SLC8A1: variants seen among roughly 807,000 people sequenced by gnomAD.
SLC8A1 encodes solute carrier family 8 member A1.
Under a neutral mutation model 68.3 loss-of-function variants are expected in SLC8A1, and 18 were observed. The observed-to-expected ratio is 0.26, with a 90% confidence interval of 0.18 to 0.39. SLC8A1 has a LOEUF of 0.39. Among genes scored for constraint, SLC8A1 ranks in the 10% least tolerant of loss-of-function variants. SLC8A1 has a pLI of 1.00. For synonymous variants in SLC8A1, 475 were observed against 415.5 expected (o/e 1.14, Z -1.74); for missense variants, 985 against 1,156.7 (o/e 0.85, Z 2.15).
At chr2:40,141,068 A>G (rs964358955) in intron 6 of SLC8A1, among the ~76,000 whole-genome samples, 1 of 152,188 alleles carries the variant, frequency 6.6e-6, no homozygotes, top group Non-Finnish European at 1.5e-5. Context: ...AAAGAAGAAC[A>G]TCTCCTTGAA....
chr2:40,399,501 T>C (rs561677866), intron 2 of SLC8A1, among the ~76,000 whole-genome samples: 1 of 152,278 alleles, frequency 6.6e-6, no homozygotes, highest in African/African-American at 2.4e-5. Context: ...AGGAATTTTA[T>C]GCAGGTCTGG....
chr2:40,396,748 T>TAAAAAAAAAAAAAAAAAAAAAAAAAAAA lies in SLC8A1; in HGVS notation c.1808+31697_1808+31724dup, dbSNP rs368483768. Among the ~76,000 whole-genome samples, 11 of 87,082 alleles carry TAAAAAAAAAAAAAAAAAAAAAAAAAAAA rather than the reference T, an allele frequency of 1.3e-4. 2 individuals carry two copies. Among genetic ancestry groups the TAAAAAAAAAAAAAAAAAAAAAAAAAAAA allele is most frequent in the African/African-American group, 5.0e-4 (8 of 16,110 alleles). 57.1% of individuals were successfully genotyped at this position (87,082 alleles called of 152,430 possible). A position where few individuals can be genotyped will look rare whatever the true frequency, so the allele number is the denominator to read the frequency against. ...TTTAACCTCCATCATCTCTAATAAC[T>TAAAAAAAAAAAAAAAAAAAAAAAAAAAA]AAAAAAAAAAAAAAAAAAAAAAAAA... On this transcript the variant is annotated intron_variant, in intron 2 of 7. Transcript: ENST00000406785.
chr2:40,343,330 T>C (rs2149416222), intron 2 of SLC8A1, among the ~76,000 whole-genome samples: 1 of 152,294 alleles, frequency 6.6e-6, no homozygotes, highest in South Asian at 2.1e-4. Context: ...AACATCACCA[T>C]GAACTTAAAA....
At chr2:40,307,949 G>C (rs1428073947) in intron 2 of SLC8A1, among the ~76,000 whole-genome samples, 1 of 151,756 alleles carries the variant, frequency 6.6e-6, no homozygotes, top group Non-Finnish European at 1.5e-5. Flanking sequence ...ATGAAGAGCA[G>C]GAGAAGAAGA....
At chr2:40,199,648 T>C (rs80351044) in intron 2 of SLC8A1, among the ~76,000 whole-genome samples, 2,382 of 151,902 alleles carry the variant, frequency 0.016, 52 homozygotes, top group African/African-American at 0.053. Context: ...AGTTCTGCTA[T>C]ACTATTTGCC....
intron 2 of SLC8A1, among the ~76,000 whole-genome samples, chr2:40,211,203 T>A (rs2056521654): frequency 6.6e-6 from 1 of 152,256 alleles, no homozygotes; most frequent in African/African-American, 2.4e-5. Context: ...ATTATTTTAC[T>A]GTGCATACTC....
intron 2 of SLC8A1, among the ~76,000 whole-genome samples, chr2:40,195,413 G>A (rs1056191091): frequency 3.3e-5 from 5 of 151,994 alleles, no homozygotes; most frequent in African/African-American, 4.8e-5. Flanking sequence ...TTAAGGTCAC[G>A]GTGGAGTGGG....
chr2:40,419,156 A>G (rs1176246078), intron 2 of SLC8A1, among the ~76,000 whole-genome samples: 1 of 152,224 alleles, frequency 6.6e-6, no homozygotes, highest in East Asian at 1.9e-4. Context: ...GGGGCTTGGC[A>G]TGGGATTGAT....
chr2:40,503,854 C>T (rs1308413731), intron 1 of SLC8A1, among the ~76,000 whole-genome samples: 1 of 151,772 alleles, frequency 6.6e-6, no homozygotes, highest in African/African-American at 2.4e-5. Flanking sequence ...TTGGAAGAAC[C>T]AATATTGTTA....
chr2:40,480,041 G>GA (rs567599878), intron 1 of SLC8A1, among the ~76,000 whole-genome samples: 185 of 151,878 alleles, frequency 1.2e-3, no homozygotes, highest in African/African-American at 3.9e-3. Context: ...CACAGGTCAA[G>GA]AAAAAACTGT....
chr2:40,193,516 C>A (rs2052302362), intron 2 of SLC8A1, among the ~76,000 whole-genome samples: 1 of 151,982 alleles, frequency 6.6e-6, no homozygotes. Flanking sequence ...AAAGGCATGG[C>A]ATGTTTAAGA....
At chr2:40,391,372 A>G (rs2149600366) in intron 2 of SLC8A1, among the ~76,000 whole-genome samples, 1 of 152,128 alleles carries the variant, frequency 6.6e-6, no homozygotes, top group Non-Finnish European at 1.5e-5. Flanking sequence ...GTGTCCTTTT[A>G]AAAGAAAGCA....
chr2:40,486,007 G>T (rs969712), intron 1 of SLC8A1, among the ~76,000 whole-genome samples: 1 of 152,258 alleles, frequency 6.6e-6, no homozygotes, highest in East Asian at 1.9e-4. Flanking sequence ...CATAATGGCC[G>T]CATGTTGTGG....
chr2:40,475,261 G>A lies in SLC8A1; in HGVS notation c.-25+37088C>T, dbSNP rs571350518. ...CCATTCTCCTGCCTCAGCCTCCCAC[G>A]TAGCTGGGACTACAGGTGCCCGCCA... On this transcript the variant is annotated intron_variant, in intron 1 of 7. Coordinates refer to the SLC8A1 transcript ENST00000402441. Among the ~76,000 whole-genome samples, 7 of 152,114 alleles carry A rather than the reference G, an allele frequency of 4.6e-5. 1 individual carries two copies. In the South Asian group the frequency reaches 1.5e-3, roughly 32 times the overall value.
At chr2:40,484,919 C>T (rs1185401942) in intron 1 of SLC8A1, among the ~76,000 whole-genome samples, 1 of 152,150 alleles carries the variant, frequency 6.6e-6, no homozygotes, top group Non-Finnish European at 1.5e-5. Context: ...GCATTGCTTG[C>T]ATCCTATATT....
chr2:40,344,910 T>C (rs996474999), intron 2 of SLC8A1, among the ~76,000 whole-genome samples: 1 of 152,104 alleles, frequency 6.6e-6, no homozygotes, highest in Non-Finnish European at 1.5e-5. Context: ...CAATCTCTCT[T>C]CCTCTCACAC....
intron 2 of SLC8A1, among the ~76,000 whole-genome samples, chr2:40,310,508 C>A (rs557663527): frequency 1.3e-5 from 2 of 152,276 alleles, no homozygotes; most frequent in South Asian, 4.1e-4. Flanking sequence ...GGGATGTACA[C>A]CAAGCAGCCA....
intron 2 of SLC8A1, chr2:40,254,936 T>C (rs1038515101): frequency 3.9e-5 from 6 of 152,212 alleles, no homozygotes; most frequent in Admixed American, 1.3e-4. Context: ...AAAAACAGTA[T>C]AGGATTGAGC....
chr2:40,272,597 T>C (rs942499755), intron 2 of SLC8A1, among the ~76,000 whole-genome samples: 1 of 152,204 alleles, frequency 6.6e-6, no homozygotes, highest in African/African-American at 2.4e-5. Flanking sequence ...GAGCCTGCCT[T>C]ATCTGTTGAG....
Sources: allele counts gnomAD v4.1 joint callset (sites outside exome capture counted in the v4.1 genomes callset), GRCh38; gene constraint gnomAD v4.1.1; transcripts MANE v1.5; gene names NCBI Gene and HGNC (gene_info 2026-07-23, HGNC 2026-07-21).